INO80D: variants seen among roughly 807,000 people sequenced by gnomAD.
INO80D encodes the protein INO80 complex subunit D.
A neutral mutation model predicts 87.6 loss-of-function variants in INO80D; 21 were observed. The observed-to-expected ratio is 0.24, with a 90% CI of 0.17 to 0.35. The LOEUF (loss-of-function observed/expected upper bound fraction) is 0.35, where lower values mean the gene tolerates loss of function less well. INO80D is among the 10% of genes least tolerant of loss of function. The pLI is 1.00. For missense variants in INO80D, 982 were observed against 1,280.7 expected (o/e 0.77, Z 3.56); for synonymous variants, 440 against 491.0 (o/e 0.90, Z 1.37).
chr2:206,040,426 G>A (rs10201896), intron 5 of INO80D: 3,068 of 197,128 alleles, frequency 0.016, 93 homozygotes, highest in African/African-American at 0.067. Context: ...GGTGGTTGCT[G>A]TCAAAATGGG....
In INO80D at chr2:205,997,343, TA is replaced by T; in HGVS notation, c.*7024del. On this transcript the variant is annotated 3_prime_UTR_variant, in exon 11 of 11. Transcript: ENST00000403263. ...GTTAATAAATAACAGCAGAACTGAG[TA>T]AAAGTTTTTTGAAAAATTTTGGAAA... 1 of 152,026 alleles carries T rather than the reference TA, an allele frequency of 6.6e-6. No individual in the cohort carries two copies. Among genetic ancestry groups the T allele is most frequent in the Non-Finnish European group, 1.5e-5 (1 of 67,968 alleles). 9.4% of individuals were successfully genotyped at this position (152,026 alleles called of 1,614,324 possible). A position where few individuals can be genotyped will look rare whatever the true frequency, so the allele number is the denominator to read the frequency against.
At chr2:206,045,794 A>G (rs1689178444) in intron 5 of INO80D, among the ~76,000 whole-genome samples, 1 of 152,166 alleles carries the variant, frequency 6.6e-6, no homozygotes, top group South Asian at 2.1e-4. Flanking sequence ...GTAAAAAAGC[A>G]CTATTTCTAC....
At chr2:206,031,972 C>T (rs1050826343) in intron 5 of INO80D, among the ~76,000 whole-genome samples, 4 of 152,156 alleles carry the variant, frequency 2.6e-5, no homozygotes, top group African/African-American at 9.7e-5. Flanking sequence ...TTACCTGGAG[C>T]TGAGTCAATT....
intron 3 of INO80D, among the ~76,000 whole-genome samples, chr2:206,060,635 A>G (rs1173618033): frequency 6.7e-6 from 1 of 149,834 alleles, no homozygotes; most frequent in East Asian, 2.0e-4. Context: ...ATCTCCGCTC[A>G]CTGCAACCTC....
chr2:206,061,341 G>A (rs894349021), intron 3 of INO80D, among the ~76,000 whole-genome samples: 4 of 151,810 alleles, frequency 2.6e-5, no homozygotes, highest in Admixed American at 6.6e-5. Context: ...TCTTGCTTTG[G>A]CTCAACTGAA....
intron 4 of INO80D, among the ~76,000 whole-genome samples, chr2:206,049,555 G>A (rs1237150524): frequency 2.6e-5 from 4 of 152,122 alleles, no homozygotes; most frequent in South Asian, 4.1e-4. Flanking sequence ...AAACTAAGAC[G>A]GAAGTGTTTT....
chr2:206,028,178 T>C lies in INO80D; in HGVS notation c.1231A>G (p.Ser411Gly), dbSNP rs777801942. The change falls in exon 6 of 11, where the codon AGT (serine) becomes GGT (glycine). Residue 411 changes from serine to glycine, a missense_variant. Transcript: ENST00000403263. ...TGACCAGTGCATTCTGGTTCTTTACTGGCCGCCTGCAGCAAAGCTTTCCTA... is the reference window on the plus strand; with the variant it reads ...TGACCAGTGCATTCTGGTTCTTTACCGGCCGCCTGCAGCAAAGCTTTCCTA... ...TFRKALLQAA[S>G]KEPECTGQLI... 6.3e-6 allele frequency: 10 copies of C among 1,593,918 alleles called. No homozygotes were observed. The East Asian group carries it at 2.0e-4, about 33-fold the overall frequency.
Position 206,024,111 on chromosome 2 carries a change from T to C in INO80D, c.1298+4000A>G, listed in dbSNP as rs1246208977. Among the ~76,000 whole-genome samples the C allele has an allele frequency of 2.6e-5, 4 of 152,322 alleles. No individual in the cohort carries two copies. In the East Asian group the frequency reaches 7.7e-4, roughly 29 times the overall value. On this transcript the variant is annotated intron_variant, in intron 6 of 10. Transcript: ENST00000403263. ...GTATACACTTGAAAGCATTATATCA[T>C]ATAAATGTTAGTTATCATTATTTTA... is the stretch of plus-strand genomic sequence containing the variant.
chr2:206,072,864 A>C (rs1199979861), intron 1 of INO80D, among the ~76,000 whole-genome samples: 4 of 148,880 alleles, frequency 2.7e-5, no homozygotes, highest in Non-Finnish European at 4.4e-5. Flanking sequence ...TTTTTTTAAG[A>C]GACAGTCTTG....
chr2:206,028,159 G>C lies in INO80D; in HGVS notation c.1250C>G (p.Thr417Ser), dbSNP rs1688666257. The C allele has an allele frequency of 6.3e-7, 1 of 1,575,012 alleles. No individual in the cohort carries two copies. The highest frequency in any genetic ancestry group is 8.6e-7 in the Non-Finnish European group (1 of 1,160,582). Residue 417 changes from threonine to serine, a missense_variant, in exon 6 of 11, where the codon ACT (threonine) becomes AGT (serine). Physicochemically the swap from Thr to Ser is moderately conservative, Grantham distance 58. Coordinates refer to ENST00000403263, the MANE Select transcript of INO80D (RefSeq NM_017759.5). ...LQAASKEPEC[T>S]GQLIQELRRA... is the part of the protein sequence containing the mutation. ...CCGCAGTTCTTGTATTAACTGACCA[G>C]TGCATTCTGGTTCTTTACTGGCCGC...
chr2:206,056,858 C>T lies in INO80D; in HGVS notation c.304G>A (p.Val102Ile), dbSNP rs756411020. The change falls in exon 4 of 11, where the codon GTC (valine) becomes ATC (isoleucine). Residue 102 changes from valine (V) to isoleucine (I), a missense_variant. Val to Ile is a conservative substitution (Grantham distance 29). Coordinates refer to ENST00000403263, the MANE Select transcript of INO80D (RefSeq NM_017759.5). ...GCCATGGTATCCATCTGGTGCCTGA[C>T]CTTCACCTCATCTATAGGATCATTC... The part of the protein sequence containing the change: ...KKNDPIDEVK[V>I]RHQMDTMAFS... 1.2e-6 allele frequency: 2 copies of T among 1,611,528 alleles called. No individual in the cohort carries two copies. Among genetic ancestry groups the T allele is most frequent in the Middle Eastern group, 1.6e-4 (1 of 6,062 alleles).
intron 5 of INO80D, among the ~76,000 whole-genome samples, chr2:206,037,314 G>A (rs530318257): frequency 6.6e-6 from 1 of 152,286 alleles, no homozygotes; most frequent in South Asian, 2.1e-4. Context: ...CTCAAGGCAT[G>A]CCATGAACTT....
chr2:206,016,184 C>A (rs754947033), intron 8 of INO80D, among the ~76,000 whole-genome samples: 1 of 152,244 alleles, frequency 6.6e-6, no homozygotes, highest in African/African-American at 2.4e-5. Context: ...TGCAAAGTCA[C>A]AGGGGCAGAC....
chr2:206,054,309 A>C (rs932242938), intron 4 of INO80D, among the ~76,000 whole-genome samples: 1 of 151,896 alleles, frequency 6.6e-6, no homozygotes, highest in Admixed American at 6.6e-5. Context: ...GGTATGAGCC[A>C]CTGCACCCAG....
chr2:206,055,000 G>A (rs1355021323), intron 4 of INO80D, among the ~76,000 whole-genome samples: 1 of 152,150 alleles, frequency 6.6e-6, no homozygotes, highest in Non-Finnish European at 1.5e-5. Flanking sequence ...AGCAATGTAT[G>A]AGATACCATA....
rs1688378148 is a variant in INO80D, at chr2:206,018,527, T to C, written c.1409-714A>G. Among the ~76,000 whole-genome samples the C allele has an allele frequency of 2.0e-5, 3 of 152,194 alleles. No homozygotes were observed. In the South Asian group the frequency reaches 6.2e-4, roughly 31 times the overall value. On this transcript the variant is annotated intron_variant, in intron 7 of 10. Transcript: ENST00000403263. Reference sequence around the variant, plus strand: ...TACCAAGAATAAAAATTTAAAGATATAGTTATTAGAAACTCATCTTTCCAA... The same window carrying C: ...TACCAAGAATAAAAATTTAAAGATACAGTTATTAGAAACTCATCTTTCCAA...
At chr2:206,036,954 C>T (rs1425905918) in intron 5 of INO80D, among the ~76,000 whole-genome samples, 3 of 152,182 alleles carry the variant, frequency 2.0e-5, no homozygotes, top group Non-Finnish European at 2.9e-5. Context: ...CTTCAGGATG[C>T]TTCCCACTTC....
intron 1 of INO80D, among the ~76,000 whole-genome samples, chr2:206,066,669 G>A (rs1286085589): frequency 1.3e-5 from 2 of 151,872 alleles, no homozygotes; most frequent in East Asian, 3.9e-4. Flanking sequence ...GTTCAGTGTG[G>A]TGGCACACAC....
chr2:206,046,193 G>A (rs987708569), intron 5 of INO80D, among the ~76,000 whole-genome samples: 1 of 152,054 alleles, frequency 6.6e-6, no homozygotes, highest in Admixed American at 6.6e-5. Context: ...TAACATAAAA[G>A]TATCAGCATA....
Sources: gnomAD v4.1 joint callset for allele counts (sites outside exome capture counted in the v4.1 genomes callset) on GRCh38, gnomAD v4.1.1 for gene constraint, MANE v1.5 for transcripts, NCBI Gene and HGNC (gene_info 2026-07-23, HGNC 2026-07-21) for gene names.